CRTAC1: variants seen among roughly 807,000 people sequenced by gnomAD.
CRTAC1 encodes the protein cartilage acidic protein 1.
A neutral mutation model predicts 67.8 loss-of-function variants in CRTAC1; 37 were observed. The observed-to-expected ratio is 0.55, with a 90% CI of 0.42 to 0.72. The LOEUF is 0.72. CRTAC1 is among the 30% of genes least tolerant of loss of function. The pLI is 0.00. For missense variants in CRTAC1, 780 were observed against 931.6 expected (o/e 0.84, Z 2.12); for synonymous variants, 348 against 371.0 (o/e 0.94, Z 0.71).
intron 2 of CRTAC1, among the ~76,000 whole-genome samples, chr10:97,940,689 G>C (rs1469474212): frequency 6.6e-5 from 10 of 152,202 alleles, no homozygotes; most frequent in African/African-American, 2.2e-4. Flanking sequence ...GCCACCTCCT[G>C]GTCTGACCCC....
chr10:97,957,852 G>T (rs2051463427), intron 2 of CRTAC1, among the ~76,000 whole-genome samples: 1 of 152,170 alleles, frequency 6.6e-6, no homozygotes, highest in Non-Finnish European at 1.5e-5. Flanking sequence ...GAGATGGTGG[G>T]TGAGGGGCTT....
Position 97,865,483 on chromosome 10 carries a change from C to T in CRTAC1, c.*65G>A. ...CTTTACATCCCTACTGTCTAGGCAG[C>T]AGCACAAGCCCACTTTCCCACTCCC... On this transcript the variant is annotated 3_prime_UTR_variant, in exon 15 of 15. Transcript: ENST00000370597. The T allele has an allele frequency of 6.5e-7, 1 of 1,545,708 alleles. No individual in the cohort carries two copies. Among genetic ancestry groups the T allele is most frequent in the Non-Finnish European group, 8.8e-7 (1 of 1,138,816 alleles).
intron 5 of CRTAC1, among the ~76,000 whole-genome samples, chr10:97,908,835 T>G (rs890962707): frequency 1.3e-5 from 2 of 152,192 alleles, no homozygotes; most frequent in Non-Finnish European, 1.5e-5. Flanking sequence ...TTGCTTTTAT[T>G]TTTTAAAATA....
At chr10:97,908,198 AC>A in intron 5 of CRTAC1, 51 bp from the exon 6 acceptor site, 2 of 1,604,528 alleles carry the variant, frequency 1.2e-6, no homozygotes, top group Non-Finnish European at 8.5e-7. Context: ...CCCCAGGCCC[AC>A]CTGGAGGACA....
rs544825948 is a variant in CRTAC1 at position 97,985,133 on chromosome 10, G to T, written c.224+26005C>A. 3.9e-3 allele frequency among the ~76,000 whole-genome samples: 596 copies of T among 152,176 alleles called. 7 individuals are homozygous for T. Among genetic ancestry groups the T allele is most frequent in the Middle Eastern group, 6.8e-3 (2 of 294 alleles). On this transcript the variant is annotated intron_variant, in intron 2 of 14. Transcript: ENST00000370597. Reference sequence around the variant, plus strand: ...CCTTGATTACCATTTTTCTGAAACTGCCCACAAAAGGGGAGAAGCAATTAC... The same window carrying T: ...CCTTGATTACCATTTTTCTGAAACTTCCCACAAAAGGGGAGAAGCAATTAC...
At chr10:97,991,922 G>A (rs951905467) in intron 2 of CRTAC1, among the ~76,000 whole-genome samples, 1 of 152,144 alleles carries the variant, frequency 6.6e-6, no homozygotes, top group East Asian at 1.9e-4. Flanking sequence ...TTAATACATT[G>A]TCTAGAAAGG....
rs76605255 is a variant in CRTAC1 at position 97,927,084 on chromosome 10, G to A, written c.422-3684C>T. 4.5e-3 allele frequency among the ~76,000 whole-genome samples: 678 copies of A among 152,268 alleles called. 7 individuals are homozygous for A. Among genetic ancestry groups the A allele is most frequent in the African/African-American group, 0.015 (628 of 41,538 alleles). On this transcript the variant is annotated intron_variant, in intron 3 of 14. Transcript: ENST00000370597. ...AGCTGGGGTTCTGCAGAGCTCTGATGGACACCTCTGGATTCAGTGAGAGAA... is the reference window on the plus strand; with the variant it reads ...AGCTGGGGTTCTGCAGAGCTCTGATAGACACCTCTGGATTCAGTGAGAGAA...
intron 2 of CRTAC1, among the ~76,000 whole-genome samples, chr10:97,946,561 G>A (rs1356334637): frequency 6.6e-6 from 1 of 152,174 alleles, no homozygotes; most frequent in Non-Finnish European, 1.5e-5. Context: ...GGGAGCCTGT[G>A]GTTGGTAGCT....
chr10:97,885,712 A>T (rs2050273454), intron 11 of CRTAC1, among the ~76,000 whole-genome samples: 2 of 152,150 alleles, frequency 1.3e-5, no homozygotes. Flanking sequence ...CCTGGGAAGG[A>T]GAGCTGTGCC....
rs191257003 is a variant in CRTAC1 at position 97,989,703 on chromosome 10, A to G, written c.224+21435T>C. On this transcript the variant is annotated intron_variant, in intron 2 of 14. Transcript: ENST00000370597. Reference sequence around the variant, plus strand: ...AGAACTTTAATACCGCCACTACCATAGTGCTATGAAGTAGGCTATTAGCTA... The same window carrying G: ...AGAACTTTAATACCGCCACTACCATGGTGCTATGAAGTAGGCTATTAGCTA... 1.2e-4 allele frequency among the ~76,000 whole-genome samples: 18 copies of G among 152,360 alleles called. 1 individual carries two copies. In the East Asian group the frequency reaches 1.9e-3, roughly 16 times the overall value.
In CRTAC1 at chr10:97,895,383, G is replaced by A; in HGVS notation, c.1348C>T (p.Pro450Ser). Residue 450 changes from proline to serine, a missense_variant, in exon 11 of 15, where the codon CCA becomes TCA. Coordinates refer to ENST00000370597, the MANE Select transcript of CRTAC1 (RefSeq NM_018058.7). This position sits in a 1 kb window ranked among gnomAD's most constrained non-coding sequence, Gnocchi z 4.2. ...GCAAAGGCCCCAAACCGGGTGCGTGGCACCACTCGCAGCCAGTTGTTGTTG... is the reference window on the plus strand; with the variant it reads ...GCAAAGGCCCCAAACCGGGTGCGTGACACCACTCGCAGCCAGTTGTTGTTG... ...GFNNNWLRVVPRTRFGAFARG... is the reference protein window; with the variant it reads ...GFNNNWLRVVSRTRFGAFARG... 1.9e-6 allele frequency: 3 copies of A among 1,610,554 alleles called. No homozygotes were observed. In the South Asian group the frequency reaches 3.3e-5, roughly 18 times the overall value.
intron 2 of CRTAC1, among the ~76,000 whole-genome samples, chr10:97,989,974 T>C (rs932281796): frequency 6.6e-6 from 1 of 152,266 alleles, no homozygotes; most frequent in Admixed American, 6.5e-5. Flanking sequence ...TCATTCCCTC[T>C]TCTTTCAGTG....
intron 2 of CRTAC1, among the ~76,000 whole-genome samples, chr10:97,961,893 C>G (rs2051531590): frequency 6.6e-6 from 1 of 152,218 alleles, no homozygotes; most frequent in East Asian, 1.9e-4. Context: ...CTACTTCAGG[C>G]TAGCGTCTAA....
chr10:98,005,100 A>ATTTTTTTTTTTTTTTT lies in CRTAC1; in HGVS notation c.224+6022_224+6037dup. On this transcript the variant is annotated intron_variant, in intron 2 of 14. Transcript: ENST00000370597. Reference sequence around the variant, plus strand: ...GTAATACATATATATATATATATATATTTTTTTTTTTTTTTTTTTTTGAGA... The same window carrying ATTTTTTTTTTTTTTTT: ...GTAATACATATATATATATATATATATTTTTTTTTTTTTTTTTTTTTTTTTTTTTTTTTTTTTGAGA... Among the ~76,000 whole-genome samples the ATTTTTTTTTTTTTTTT allele has an allele frequency of 9.2e-4, 45 of 48,884 alleles. 1 individual carries two copies. Among genetic ancestry groups the ATTTTTTTTTTTTTTTT allele is most frequent in the Non-Finnish European group, 1.1e-3 (31 of 28,968 alleles). 32.1% of individuals were successfully genotyped at this position (48,884 alleles called of 152,430 possible).
rs535694710 is a variant in CRTAC1, at chr10:97,977,370, C to G, written c.224+33768G>C. On this transcript the variant is annotated intron_variant, in intron 2 of 14. Transcript: ENST00000370597. ...ACGTGAGCAAGAAAGGAGGAAGGCTCAGGAGCTATAATTGCATCTCAGCGG... is the reference window on the plus strand; with the variant it reads ...ACGTGAGCAAGAAAGGAGGAAGGCTGAGGAGCTATAATTGCATCTCAGCGG... Among the ~76,000 whole-genome samples the G allele has an allele frequency of 6.3e-4, 96 of 152,308 alleles. 1 individual carries two copies. The highest frequency in any genetic ancestry group is 2.3e-3 in the African/African-American group (95 of 41,542).
chr10:97,893,716 G>A (rs553399165), intron 11 of CRTAC1, among the ~76,000 whole-genome samples: 11 of 152,170 alleles, frequency 7.2e-5, no homozygotes, highest in African/African-American at 2.4e-4. Context: ...AGACCCTCTC[G>A]GGCTGCCCTT....
At chr10:97,962,908 AAAAC>A (rs1481088526) in intron 2 of CRTAC1, among the ~76,000 whole-genome samples, 2 of 152,126 alleles carry the variant, frequency 1.3e-5, no homozygotes, top group Middle Eastern at 6.8e-3. Context: ...AAAAACAAAA[AAAAC>A]AAAACTTCTT....
chr10:97,868,093 AAGT>A (rs1294357840), intron 14 of CRTAC1: 2 of 152,258 alleles, frequency 1.3e-5, no homozygotes, highest in African/African-American at 4.8e-5. Flanking sequence ...GAAGATGAGA[AAGT>A]AGCTGGATGA....
intron 2 of CRTAC1, among the ~76,000 whole-genome samples, chr10:98,006,450 C>G (rs142072694): frequency 6.6e-6 from 1 of 152,144 alleles, no homozygotes; most frequent in African/African-American, 2.4e-5. Flanking sequence ...CCGGCCCAGT[C>G]CCTCCCCCAT....
Sources: allele counts gnomAD v4.1 joint callset (sites outside exome capture counted in the v4.1 genomes callset), GRCh38; gene constraint gnomAD v4.1.1; non-coding constraint Gnocchi (gnomAD v3.1); transcripts MANE v1.5; gene names NCBI Gene and HGNC (gene_info 2026-07-23, HGNC 2026-07-21).